KRAS: variants seen among roughly 807,000 people sequenced by gnomAD.
KRAS encodes the protein GTPase KRas.
In KRAS, 1 loss-of-function variant was observed where a neutral mutation model predicts 21.0. The observed-to-expected ratio is 0.05, with a 90% CI of 0.02 to 0.23. KRAS has a LOEUF of 0.23. KRAS is among the 10% of genes least tolerant of loss of function. The pLI, the probability that KRAS is intolerant of heterozygous loss-of-function variation, is 1.00. For synonymous variants in KRAS, 67 were observed against 72.5 expected (o/e 0.92, Z 0.39); for missense variants, 107 against 221.8 (o/e 0.48, Z 3.29).
At chr12:25,220,955 G>A (rs1951314571) in intron 4 of KRAS, among the ~76,000 whole-genome samples, 1 of 149,658 alleles carries the variant, frequency 6.7e-6, no homozygotes, top group African/African-American at 2.5e-5. Flanking sequence ...AACCCAGGAG[G>A]AGGAGGTTGC....
chr12:25,249,267 G>T lies in KRAS; in HGVS notation c.-12+1484C>A, dbSNP rs932449524. 2.6e-5 allele frequency among the ~76,000 whole-genome samples: 4 copies of T among 152,234 alleles called. No homozygotes were observed. In the South Asian group the frequency reaches 8.3e-4, roughly 32 times the overall value. ...AAAAAATTAGCCGGGCATGGCAGCA[G>T]ACACCTGTAATCCCAGTTATTCGGG... is the stretch of plus-strand genomic sequence containing the variant. On this transcript the variant is annotated intron_variant, in intron 1 of 4. Coordinates refer to ENST00000311936, the MANE Select transcript of KRAS (RefSeq NM_004985.5).
At chr12:25,246,322 C>T (rs1275393916) in intron 1 of KRAS, among the ~76,000 whole-genome samples, 3 of 152,164 alleles carry the variant, frequency 2.0e-5, no homozygotes, top group Non-Finnish European at 4.4e-5. Flanking sequence ...CTTTCAGAGG[C>T]CAAGGCGGGT....
chr12:25,225,484 A>G (rs1234398950), intron 4 of KRAS, 130 bp downstream of exon 4: 2 of 972,286 alleles, frequency 2.1e-6, no homozygotes, highest in Non-Finnish European at 3.2e-6. Flanking sequence ...CTCTCAAGAG[A>G]CAAAAACATT....
At position 25,209,225 on chromosome 12, in the gene KRAS, A is replaced by G. The variant is rs568412438; in HGVS notation, c.*570T>C. ...ATATAATATTTTGGGGAGAGTGACC[A>G]TGACTAATAGCAGTGGAAAGGAGAC... On this transcript the variant is annotated 3_prime_UTR_variant, in exon 5 of 5. Coordinates refer to ENST00000311936, the MANE Select transcript of KRAS (RefSeq NM_004985.5). 7.3e-6 allele frequency: 5 copies of G among 684,232 alleles called. No homozygotes were observed. The South Asian group carries it at 7.9e-5, about 11-fold the overall frequency. The allele number at this position is 684,232 out of a possible 1,614,324, so 42.4% of individuals were successfully genotyped here. A position where few individuals can be genotyped will look rare whatever the true frequency, so the allele number is the denominator to read the frequency against.
intron 2 of KRAS, among the ~76,000 whole-genome samples, chr12:25,239,442 T>C (rs565673098): frequency 4.6e-5 from 7 of 152,316 alleles, no homozygotes; most frequent in Admixed American, 1.3e-4. Context: ...GGGTGAAAAA[T>C]ATTTATCCAA....
chr12:25,227,653 G>C (rs189708802), intron 2 of KRAS, among the ~76,000 whole-genome samples: 5 of 152,062 alleles, frequency 3.3e-5, no homozygotes, highest in Non-Finnish European at 7.4e-5. Context: ...TACCCATTAG[G>C]ATTGGCTATT....
At chr12:25,246,557 C>T (rs559650420) in intron 1 of KRAS, among the ~76,000 whole-genome samples, 80 of 150,208 alleles carry the variant, frequency 5.3e-4, no homozygotes, top group Non-Finnish European at 1.0e-3. Flanking sequence ...GACTCCATCT[C>T]AAAACAAACA....
At chr12:25,211,465 C>T (rs1044614381) in intron 4 of KRAS, among the ~76,000 whole-genome samples, 5 of 152,052 alleles carry the variant, frequency 3.3e-5, no homozygotes, top group Non-Finnish European at 2.9e-5. Context: ...ATCCCAGCTA[C>T]TCAGGAGGCT....
intron 1 of KRAS, among the ~76,000 whole-genome samples, chr12:25,250,550 T>C (rs1424496693): frequency 2.6e-5 from 4 of 151,608 alleles, no homozygotes; most frequent in African/African-American, 9.7e-5. Context: ...CACCGCCCAT[T>C]CCTCACTCCC....
At chr12:25,226,712 G>C (rs909027813) in intron 3 of KRAS, among the ~76,000 whole-genome samples, 1 of 152,126 alleles carries the variant, frequency 6.6e-6, no homozygotes, top group African/African-American at 2.4e-5. Context: ...GTATAATAAT[G>C]ATTATTTTAA....
chr12:25,248,998 A>G (rs1951726449), intron 1 of KRAS, among the ~76,000 whole-genome samples: 1 of 152,258 alleles, frequency 6.6e-6, no homozygotes, highest in Non-Finnish European at 1.5e-5. Flanking sequence ...GCTGATAATT[A>G]CAAATAGACC....
chr12:25,248,403 T>C (rs920493830), intron 1 of KRAS, among the ~76,000 whole-genome samples: 2 of 151,926 alleles, frequency 1.3e-5, no homozygotes, highest in Admixed American at 1.3e-4. Context: ...CGGGCCGAGA[T>C]CGCGCCACTG....
chr12:25,220,181 T>C (rs372326731), intron 4 of KRAS, among the ~76,000 whole-genome samples: 2 of 152,314 alleles, frequency 1.3e-5, no homozygotes, highest in East Asian at 3.9e-4. Flanking sequence ...TTTGCCAACA[T>C]GGCCATGCAC....
chr12:25,229,644 G>C (rs1412087022), intron 2 of KRAS, among the ~76,000 whole-genome samples: 1 of 152,138 alleles, frequency 6.6e-6, no homozygotes, highest in Non-Finnish European at 1.5e-5. Context: ...ATATGGTAAA[G>C]GGATGTTACA....
At chr12:25,224,538 A>G (rs993940650) in intron 4 of KRAS, among the ~76,000 whole-genome samples, 1 of 152,196 alleles carries the variant, frequency 6.6e-6, no homozygotes, top group Non-Finnish European at 1.5e-5. Flanking sequence ...CTGTATTACA[A>G]AAGTCAAAAT....
intron 2 of KRAS, among the ~76,000 whole-genome samples, chr12:25,236,070 C>A (rs1157618098): frequency 1.3e-5 from 2 of 152,002 alleles, no homozygotes; most frequent in Non-Finnish European, 2.9e-5. Flanking sequence ...TACCAGTCCG[C>A]AGTCCAGGGT....
chr12:25,223,309 T>C (rs973364064), intron 4 of KRAS, among the ~76,000 whole-genome samples: 2 of 152,252 alleles, frequency 1.3e-5, no homozygotes, highest in Non-Finnish European at 1.5e-5. Flanking sequence ...AAATGTTTCA[T>C]AAGAAAATGT....
intron 4 of KRAS, among the ~76,000 whole-genome samples, chr12:25,215,811 G>A (rs1281574225): frequency 1.3e-5 from 2 of 152,136 alleles, no homozygotes; most frequent in Non-Finnish European, 2.9e-5. Flanking sequence ...AATTAGGAGA[G>A]ATTATGACAA....
At chr12:25,246,883 C>T (rs1419535759) in intron 1 of KRAS, among the ~76,000 whole-genome samples, 1 of 151,180 alleles carries the variant, frequency 6.6e-6, no homozygotes, top group Non-Finnish European at 1.5e-5. Flanking sequence ...CGCCACTGCA[C>T]TCCAGCCTGG....
Sources: gnomAD v4.1 joint callset for allele counts (sites outside exome capture counted in the v4.1 genomes callset) on GRCh38, gnomAD v4.1.1 for gene constraint, MANE v1.5 for transcripts, NCBI Gene and HGNC (gene_info 2026-07-23, HGNC 2026-07-21) for gene names.